Variants in WWOX observed in about 807,000 individuals in gnomAD.
WWOX encodes WW domain-containing oxidoreductase.
WWOX carries 69 observed loss-of-function variants against 46.2 expected under a neutral mutation model. That is an observed-to-expected ratio of 1.49 (90% CI 1.23 to 1.82). The LOEUF is 1.82. Among genes scored for constraint, WWOX ranks in the 40% most tolerant of loss-of-function variants. The pLI, the probability that WWOX is intolerant of heterozygous loss-of-function variation, is 0.00. For synonymous variants in WWOX, 359 were observed against 202.6 expected, an observed-to-expected ratio of 1.77 and a Z score of -6.56; for missense variants, 919 against 542.6, an observed-to-expected ratio of 1.69 and a Z score of -6.89.
In WWOX at chr16:78,335,635, G is replaced by GGT. The variant is rs796972038; in HGVS notation, c.517-51224_517-51223dup. ...GGAATAGAAATGATTGTATTATAAA[G>GGT]GTACATGCACATGTATGTTGACTGC... On this transcript the variant is annotated intron_variant, in intron 5 of 8. Transcript: ENST00000566780. Among the ~76,000 whole-genome samples, 100 of 152,224 alleles carry GGT rather than the reference G, an allele frequency of 6.6e-4. 1 individual carries two copies. Among genetic ancestry groups the GGT allele is most frequent in the African/African-American group, 2.3e-3 (96 of 41,520 alleles).
At chr16:78,157,158 ACAGTCC>A in intron 4 of WWOX, among the ~76,000 whole-genome samples, 1 of 152,202 alleles carries the variant, frequency 6.6e-6, no homozygotes, top group South Asian at 2.1e-4. Flanking sequence ...AAAGGGACCC[ACAGTCC>A]ACCATTCCGT....
At chr16:78,375,063 C>T (rs534046388) in intron 5 of WWOX, among the ~76,000 whole-genome samples, 2 of 152,162 alleles carry the variant, frequency 1.3e-5, no homozygotes, top group Non-Finnish European at 2.9e-5. Flanking sequence ...AGCAGGAAAC[C>T]TTATTTTTTT....
chr16:78,991,559 C>G (rs895127225), intron 8 of WWOX, among the ~76,000 whole-genome samples: 1 of 144,906 alleles, frequency 6.9e-6, no homozygotes, highest in Non-Finnish European at 1.5e-5. Flanking sequence ...CATGATTGCA[C>G]CACTGCACTC....
intron 8 of WWOX, among the ~76,000 whole-genome samples, chr16:78,471,573 G>A (rs1282009456): frequency 6.6e-6 from 1 of 152,166 alleles, no homozygotes; most frequent in African/African-American, 2.4e-5. Flanking sequence ...TCTCTGCAGC[G>A]ATAGTTGAAT....
chr16:78,618,272 T>C (rs1039331086), intron 8 of WWOX, among the ~76,000 whole-genome samples: 2 of 152,226 alleles, frequency 1.3e-5, no homozygotes, highest in African/African-American at 4.8e-5. Flanking sequence ...GAGCTTGTTT[T>C]ATTTTGCTTG....
At chr16:78,563,243 ACTTTC>A (rs975893528) in intron 8 of WWOX, among the ~76,000 whole-genome samples, 5 of 152,196 alleles carry the variant, frequency 3.3e-5, no homozygotes, top group African/African-American at 1.2e-4. Context: ...CTTTGACAAT[ACTTTC>A]CTTTCAGTCT....
chr16:78,607,497 T>TA (rs2045788213), intron 8 of WWOX, among the ~76,000 whole-genome samples: 1 of 152,206 alleles, frequency 6.6e-6, no homozygotes, highest in African/African-American at 2.4e-5. Context: ...TTATTGGTGC[T>TA]AAGGGCTGTA....
chr16:78,839,301 G>A (rs759358560), intron 8 of WWOX, among the ~76,000 whole-genome samples: 11 of 151,816 alleles, frequency 7.2e-5, no homozygotes, highest in African/African-American at 2.7e-4. Flanking sequence ...ATATAAAATG[G>A]AGAGGTTTTA....
intron 8 of WWOX, among the ~76,000 whole-genome samples, chr16:78,725,345 T>C (rs1205108352): frequency 2.0e-5 from 1 of 49,234 alleles, no homozygotes; most frequent in East Asian, 4.5e-4. Flanking sequence ...TTTTCTTTTC[T>C]TTTTTTTTTT....
rs77496971 is a variant in WWOX, at chr16:78,213,942, G to A, written c.516+49653G>A. On this transcript the variant is annotated intron_variant, in intron 5 of 8. Coordinates refer to ENST00000566780, the MANE Select transcript of WWOX (RefSeq NM_016373.4). ...GTCCGGGGTGTGAGCATGTCACGCT[G>A]TGGCCCGCGCCTCCCCTGTACAGCT... 6.5e-3 allele frequency among the ~76,000 whole-genome samples: 992 copies of A among 152,232 alleles called. 16 individuals carry two copies. Among genetic ancestry groups the A allele is most frequent in the African/African-American group, 0.023 (945 of 41,564 alleles).
At chr16:78,792,082 A>C (rs1166589499) in intron 8 of WWOX, among the ~76,000 whole-genome samples, 1 of 152,124 alleles carries the variant, frequency 6.6e-6, no homozygotes, top group Non-Finnish European at 1.5e-5. Context: ...GCGGGGGAGC[A>C]GGACGGTTGC....
intron 5 of WWOX, among the ~76,000 whole-genome samples, chr16:78,189,640 T>A (rs2035819118): frequency 6.6e-6 from 1 of 152,188 alleles, no homozygotes; most frequent in African/African-American, 2.4e-5. Context: ...CCTTCTTTTT[T>A]ATTTTATTTA....
chr16:78,229,868 T>C (rs972280542), intron 5 of WWOX, among the ~76,000 whole-genome samples: 11 of 152,100 alleles, frequency 7.2e-5, no homozygotes, highest in Admixed American at 2.6e-4. Flanking sequence ...TTCTTGTGTA[T>C]AGTTCAACAT....
intron 8 of WWOX, among the ~76,000 whole-genome samples, chr16:78,586,778 G>T (rs1273775073): frequency 6.6e-6 from 1 of 152,072 alleles, no homozygotes; most frequent in Non-Finnish European, 1.5e-5. Context: ...ATTCAGGAAG[G>T]TTAAGTAATG....
chr16:78,415,814 C>T (rs567062722), intron 6 of WWOX, among the ~76,000 whole-genome samples: 17 of 152,218 alleles, frequency 1.1e-4, no homozygotes, highest in South Asian at 2.1e-4. Flanking sequence ...TTGATGACAA[C>T]CCCCGCCCCC....
At chr16:78,162,894 T>C (rs74251672) in intron 4 of WWOX, among the ~76,000 whole-genome samples, 5 of 152,178 alleles carry the variant, frequency 3.3e-5, no homozygotes, top group Admixed American at 6.5e-5. Context: ...TTAAACTATA[T>C]GCTGAATTCT....
chr16:78,304,293 A>G (rs1178267572), intron 5 of WWOX, among the ~76,000 whole-genome samples: 2 of 152,184 alleles, frequency 1.3e-5, no homozygotes, highest in South Asian at 2.1e-4. Context: ...TTTGAATGCT[A>G]TACTTTTTTG....
intron 8 of WWOX, among the ~76,000 whole-genome samples, chr16:78,540,168 G>C (rs758963236): frequency 1.1e-4 from 16 of 151,302 alleles, no homozygotes; most frequent in Non-Finnish European, 1.6e-4. Flanking sequence ...ATATATTTAG[G>C]TATAGTTAGA....
intron 8 of WWOX, among the ~76,000 whole-genome samples, chr16:78,998,680 C>G (rs1398593368): frequency 6.6e-6 from 1 of 152,200 alleles, no homozygotes; most frequent in African/African-American, 2.4e-5. Flanking sequence ...CAGTGCTCAG[C>G]ATGCATGAAG....
Sources: gnomAD v4.1 joint callset for allele counts (sites outside exome capture counted in the v4.1 genomes callset) on GRCh38, gnomAD v4.1.1 for gene constraint, MANE v1.5 for transcripts, NCBI Gene and HGNC (gene_info 2026-07-23, HGNC 2026-07-21) for gene names.